PTPRD: variants seen among roughly 807,000 people sequenced by gnomAD.
The protein encoded by PTPRD is receptor-type tyrosine-protein phosphatase delta.
In PTPRD, 34 loss-of-function variants were observed where a neutral mutation model predicts 214.5. The observed-to-expected ratio is 0.16, with a 90% CI of 0.12 to 0.21. The LOEUF (loss-of-function observed/expected upper bound fraction) is 0.21. Ranked by LOEUF, PTPRD falls within the 10% of genes least tolerant of loss-of-function variation. The pLI is 1.00. For synonymous variants in PTPRD, 1,128 were observed against 845.7 expected (o/e 1.33, Z -5.79); for missense variants, 2,545 against 2,398.7 (o/e 1.06, Z -1.27).
At position 9,716,315 on chromosome 9, in the gene PTPRD, C is replaced by G. The variant is rs547402390; in HGVS notation, c.-287+18218G>C. Reference sequence around the variant, plus strand: ...TGTGAATAGTGCTGTAATAAACATACGTGTGCATGTGTCTTTATAGCAGCA... The same window carrying G: ...TGTGAATAGTGCTGTAATAAACATAGGTGTGCATGTGTCTTTATAGCAGCA... On this transcript the variant is annotated intron_variant, in intron 7 of 45. Transcript: ENST00000381196. 8.0e-3 allele frequency among the ~76,000 whole-genome samples: 1,212 copies of G among 151,722 alleles called. 15 individuals carry two copies. The highest frequency in any genetic ancestry group is 0.027 in the African/African-American group (1,129 of 41,272).
intron 11 of PTPRD, among the ~76,000 whole-genome samples, chr9:8,777,511 A>G (rs1245647736): frequency 6.6e-6 from 1 of 152,242 alleles, no homozygotes; most frequent in Admixed American, 6.5e-5. Context: ...CTGTCAAAAG[A>G]AATTTCATAA....
chr9:9,788,173 T>C (rs2098939772), intron 5 of PTPRD, among the ~76,000 whole-genome samples: 2 of 151,730 alleles, frequency 1.3e-5, no homozygotes, highest in Non-Finnish European at 2.9e-5. Flanking sequence ...TTTCCTTTTA[T>C]TGTTTTATAC....
chr9:10,369,000 GT>G (rs1217378307), intron 2 of PTPRD, among the ~76,000 whole-genome samples: 2 of 151,534 alleles, frequency 1.3e-5, no homozygotes, highest in Non-Finnish European at 2.9e-5. Context: ...GGGAATATGT[GT>G]TTTTTTTAAT....
rs765889159 is a variant in PTPRD at position 10,479,915 on chromosome 9, G to T, written c.-600+132483C>A. On this transcript the variant is annotated intron_variant, in intron 2 of 45. Coordinates refer to ENST00000381196, the MANE Select transcript of PTPRD (RefSeq NM_002839.4). ...AATCTGAAGGGGCTTGTTATTGCAG[G>T]GATGTTAAAGAAAATCCGGGGTCTT... is the stretch of plus-strand genomic sequence containing the variant. Among the ~76,000 whole-genome samples, 99 of 152,160 alleles carry T rather than the reference G, an allele frequency of 6.5e-4. 1 individual carries two copies. The highest frequency in any genetic ancestry group is 1.1e-3 in the Non-Finnish European group (72 of 67,990).
At chr9:10,553,192 C>A (rs962541105) in intron 2 of PTPRD, among the ~76,000 whole-genome samples, 3 of 152,174 alleles carry the variant, frequency 2.0e-5, no homozygotes, top group East Asian at 3.9e-4. Context: ...ACAGTCCCCA[C>A]CCAGGCAGAA....
intron 3 of PTPRD, among the ~76,000 whole-genome samples, chr9:10,165,984 T>A (rs147654213): frequency 2.3e-4 from 35 of 150,236 alleles, no homozygotes; most frequent in African/African-American, 8.0e-4. Flanking sequence ...CATATAAAGC[T>A]ATATATTAAA....
chr9:9,789,564 G>T (rs553584314), intron 5 of PTPRD, among the ~76,000 whole-genome samples: 2 of 151,902 alleles, frequency 1.3e-5, no homozygotes, highest in African/African-American at 4.8e-5. Context: ...TTGGGAGGCC[G>T]AGGCGGGCGG....
At chr9:10,371,457 C>G (rs1415877078) in intron 2 of PTPRD, among the ~76,000 whole-genome samples, 1 of 151,956 alleles carries the variant, frequency 6.6e-6, no homozygotes, top group Non-Finnish European at 1.5e-5. Context: ...CTTTTGATAC[C>G]ATTTAAAATG....
At chr9:8,942,979 G>A (rs2099042706) in intron 11 of PTPRD, among the ~76,000 whole-genome samples, 1 of 151,992 alleles carries the variant, frequency 6.6e-6, no homozygotes, top group Admixed American at 6.6e-5. Context: ...AAAATTAGTA[G>A]CACTTCTATA....
chr9:9,183,823 C>A (rs7028024), intron 9 of PTPRD, among the ~76,000 whole-genome samples: 1 of 151,856 alleles, frequency 6.6e-6, no homozygotes, highest in Non-Finnish European at 1.5e-5. Flanking sequence ...CAAGCTAAAG[C>A]AAATCCTTGT....
intron 21 of PTPRD, among the ~76,000 whole-genome samples, chr9:8,514,938 C>T (rs937658400): frequency 1.3e-5 from 2 of 152,066 alleles, no homozygotes; most frequent in Non-Finnish European, 2.9e-5. Flanking sequence ...GGGGCTCTTC[C>T]CCCTTTGCTC....
chr9:8,365,632 G>T (rs545028320), intron 39 of PTPRD, among the ~76,000 whole-genome samples: 2 of 152,182 alleles, frequency 1.3e-5, no homozygotes, highest in Middle Eastern at 3.4e-3. Flanking sequence ...GAATAAATGA[G>T]GTCATAAATG....
chr9:9,655,850 T>C (rs560308108), intron 7 of PTPRD, among the ~76,000 whole-genome samples: 119 of 151,238 alleles, frequency 7.9e-4, no homozygotes, highest in African/African-American at 2.9e-3. Flanking sequence ...TGGTGGGAGG[T>C]GCCTGTAATC....
rs530820891 is a variant in PTPRD, at chr9:9,291,851, T to C, written c.-203+105598A>G. ...ATCTCAGAGGATATATATGTGTATA[T>C]GTGTGTGTGTAATATGTGTATATAT... On this transcript the variant is annotated intron_variant, in intron 9 of 45. Transcript: ENST00000381196. Among the ~76,000 whole-genome samples the C allele has an allele frequency of 1.2e-4, 18 of 150,460 alleles. No homozygotes were observed. In the East Asian group the frequency reaches 2.9e-3, roughly 25 times the overall value.
chr9:9,532,103 C>T (rs768826432), intron 8 of PTPRD, among the ~76,000 whole-genome samples: 3 of 151,800 alleles, frequency 2.0e-5, no homozygotes, highest in Non-Finnish European at 4.4e-5. Context: ...TGGTTCTCGA[C>T]CTTAAAAAAA....
chr9:9,548,507 A>C (rs1194194405), intron 8 of PTPRD, among the ~76,000 whole-genome samples: 2 of 149,610 alleles, frequency 1.3e-5, no homozygotes, highest in Non-Finnish European at 3.0e-5. Context: ...TCCTGGGTTC[A>C]AGTGATTCTC....
At chr9:8,853,030 T>C in intron 11 of PTPRD, among the ~76,000 whole-genome samples, 1 of 152,306 alleles carries the variant, frequency 6.6e-6, no homozygotes, top group East Asian at 1.9e-4. Flanking sequence ...CCTAAAAATA[T>C]TTTATAAATA....
intron 2 of PTPRD, among the ~76,000 whole-genome samples, chr9:10,383,634 T>C (rs1411963246): frequency 1.3e-5 from 2 of 151,824 alleles, no homozygotes; most frequent in Admixed American, 1.3e-4. Context: ...AGCACAGTAT[T>C]ACCAGAGTTA....
intron 11 of PTPRD, among the ~76,000 whole-genome samples, chr9:8,882,445 G>A (rs78424763): frequency 6.6e-6 from 1 of 152,148 alleles, no homozygotes; most frequent in Admixed American, 6.5e-5. Context: ...CCTCACAAAA[G>A]TAGAGAAATA....
Sources: gnomAD v4.1 joint callset for allele counts (sites outside exome capture counted in the v4.1 genomes callset) on GRCh38, gnomAD v4.1.1 for gene constraint, MANE v1.5 for transcripts, NCBI Gene and HGNC (gene_info 2026-07-23, HGNC 2026-07-21) for gene names.